Variants in CDK14 observed in about 807,000 individuals in gnomAD.
CDK14 encodes cyclin dependent kinase 14.
Under a neutral mutation model 60.7 loss-of-function variants are expected in CDK14, and 34 were observed. That is an observed-to-expected ratio of 0.56 (90% CI 0.43 to 0.75). The LOEUF is 0.75. CDK14 is among the 30% of genes least tolerant of loss of function. The probability of loss-of-function intolerance (pLI) is 0.00; values close to 1 mark genes in which losing one functional copy is unlikely to be tolerated. For synonymous variants in CDK14, 197 were observed against 203.7 expected (o/e 0.97, Z 0.28); for missense variants, 482 against 564.1 (o/e 0.85, Z 1.47).
At chr7:90,805,509 A>G (rs1403508285) in intron 5 of CDK14, among the ~76,000 whole-genome samples, 1 of 152,134 alleles carries the variant, frequency 6.6e-6, no homozygotes, top group African/African-American at 2.4e-5. Flanking sequence ...TTAGAATACA[A>G]TACCACTTAT....
At chr7:90,723,369 G>A (rs1169028443) in intron 2 of CDK14, among the ~76,000 whole-genome samples, 2 of 152,140 alleles carry the variant, frequency 1.3e-5, no homozygotes, top group Non-Finnish European at 2.9e-5. Flanking sequence ...AGTCAAGCAG[G>A]AAGCTGGAAC....
chr7:90,736,168 C>T (rs998475965), intron 3 of CDK14, among the ~76,000 whole-genome samples: 2 of 151,994 alleles, frequency 1.3e-5, no homozygotes, highest in African/African-American at 4.8e-5. Flanking sequence ...TCCAACCAGT[C>T]CCAGTGAGAT....
intron 14 of CDK14, among the ~76,000 whole-genome samples, chr7:91,171,971 C>G (rs1032805710): frequency 6.6e-6 from 1 of 152,130 alleles, no homozygotes; most frequent in Non-Finnish European, 1.5e-5. Context: ...AAAATGTGTA[C>G]TGTTATTTTC....
Position 90,713,258 on chromosome 7 carries a change from T to C in CDK14, c.124-13309T>C, listed in dbSNP as rs1342676635. 3.3e-5 allele frequency among the ~76,000 whole-genome samples: 5 copies of C among 152,222 alleles called. No homozygotes were observed. In the East Asian group the frequency reaches 9.6e-4, roughly 29 times the overall value. ...TTAAGGCCTCAGTGCTGTTCATTTA[T>C]TTTCTGTCGACCATTTTGACAGTTC... On this transcript the variant is annotated intron_variant, in intron 2 of 14. Transcript: ENST00000380050.
chr7:90,952,084 T>C (rs141193584), intron 8 of CDK14, among the ~76,000 whole-genome samples: 1 of 152,122 alleles, frequency 6.6e-6, no homozygotes, highest in South Asian at 2.1e-4. Flanking sequence ...GGAGACCAAG[T>C]CATTCCTGGT....
At chr7:90,819,581 G>A (rs1789472407) in intron 5 of CDK14, among the ~76,000 whole-genome samples, 1 of 151,552 alleles carries the variant, frequency 6.6e-6, no homozygotes, top group South Asian at 2.1e-4. Flanking sequence ...ATGACCCTAA[G>A]CAATTTGTAG....
At position 91,091,317 on chromosome 7, in the gene CDK14, ATG is replaced by A. The variant is rs1429017944; in HGVS notation, c.1154+11839_1154+11840del. Among the ~76,000 whole-genome samples the A allele has an allele frequency of 3.5e-5, 5 of 144,414 alleles. No individual in the cohort carries two copies. The East Asian group carries it at 5.9e-4, about 17-fold the overall frequency. The allele number at this position is 144,414 out of a possible 152,430, so 94.7% of individuals were successfully genotyped here. A position where few individuals can be genotyped will look rare whatever the true frequency, so the allele number is the denominator to read the frequency against. On this transcript the variant is annotated intron_variant, in intron 12 of 14. Coordinates refer to ENST00000380050, the MANE Select transcript of CDK14 (RefSeq NM_001287135.2). ...ATTTTTATATATACATATATAATTT[ATG>A]TATACACATATGTGTATACATATAT...
intron 12 of CDK14, among the ~76,000 whole-genome samples, chr7:91,094,160 C>G (rs192725913): frequency 8.4e-4 from 128 of 152,068 alleles, no homozygotes; most frequent in Non-Finnish European, 1.4e-3. Context: ...ACGTGTACCC[C>G]CTGCACCTAA....
At chr7:90,666,588 T>G (rs1297131465) in intron 2 of CDK14, among the ~76,000 whole-genome samples, 2 of 152,342 alleles carry the variant, frequency 1.3e-5, no homozygotes, top group East Asian at 3.9e-4. Flanking sequence ...ACACTTTGGT[T>G]TGAAGATATC....
intron 5 of CDK14, among the ~76,000 whole-genome samples, chr7:90,809,584 C>T (rs1162498519): frequency 6.6e-6 from 1 of 152,108 alleles, no homozygotes; most frequent in Middle Eastern, 3.2e-3. Flanking sequence ...AGAGCAAACA[C>T]ATTCAAAAGC....
chr7:90,878,020 C>T (rs2117272362), intron 6 of CDK14, among the ~76,000 whole-genome samples: 1 of 151,448 alleles, frequency 6.6e-6, no homozygotes, highest in Middle Eastern at 3.4e-3. Flanking sequence ...AAATCTTTGC[C>T]AACTTGATAT....
At chr7:90,842,212 C>G (rs1236246227) in intron 5 of CDK14, among the ~76,000 whole-genome samples, 1 of 152,088 alleles carries the variant, frequency 6.6e-6, no homozygotes, top group East Asian at 1.9e-4. Flanking sequence ...TTACAAGATG[C>G]TATTTTGATC....
chr7:90,749,763 A>G (rs1803746799), intron 4 of CDK14, among the ~76,000 whole-genome samples: 1 of 152,140 alleles, frequency 6.6e-6, no homozygotes, highest in African/African-American at 2.4e-5. Context: ...CTTCATGTTT[A>G]GGCACACTCT....
intron 2 of CDK14, among the ~76,000 whole-genome samples, chr7:90,629,077 A>G (rs1799937222): frequency 6.6e-6 from 1 of 152,032 alleles, no homozygotes; most frequent in Admixed American, 6.6e-5. Flanking sequence ...TTTTTGTTTT[A>G]TATATATTTT....
intron 11 of CDK14, among the ~76,000 whole-genome samples, chr7:91,062,422 G>A (rs886567659): frequency 1.3e-4 from 20 of 151,776 alleles, no homozygotes; most frequent in African/African-American, 3.9e-4. Flanking sequence ...CCCACTCTCC[G>A]ACATTCACCA....
In CDK14 at chr7:90,790,660, C is replaced by T; in HGVS notation, c.544+8C>T. On this transcript the variant is annotated splice_region_variant and intron_variant, in intron 5 of 14. Transcript: ENST00000380050. ...TCACAGCTATCAGGGAAGGTAGGCA[C>T]TTTTCCTTGTTGATATTGCTTTTGT... is the stretch of plus-strand genomic sequence containing the variant. 6.2e-7 allele frequency: 1 copy of T among 1,601,602 alleles called. No homozygotes were observed. The highest frequency in any genetic ancestry group is 8.5e-7 in the Non-Finnish European group (1 of 1,169,972).
At chr7:91,189,138 A>G (rs1380238136) in intron 14 of CDK14, among the ~76,000 whole-genome samples, 1 of 152,198 alleles carries the variant, frequency 6.6e-6, no homozygotes, top group African/African-American at 2.4e-5. Context: ...AGTGTGAAGC[A>G]TGGAGCTTAT....
chr7:90,743,510 A>G (rs967015114), intron 3 of CDK14, among the ~76,000 whole-genome samples: 2 of 152,206 alleles, frequency 1.3e-5, no homozygotes, highest in Non-Finnish European at 2.9e-5. Context: ...ACATATATTA[A>G]TTAAGCCGCT....
At position 90,910,330 on chromosome 7, in the gene CDK14, T is replaced by A. The variant is rs1792852937; in HGVS notation, c.703-7271T>A. ...AAACTCAACTAAATGGAATGAATCATGATGAATCATTTTGTGGCTTTTAAA... is the reference window on the plus strand; with the variant it reads ...AAACTCAACTAAATGGAATGAATCAAGATGAATCATTTTGTGGCTTTTAAA... On this transcript the variant is annotated intron_variant, in intron 7 of 14. Coordinates refer to ENST00000380050, the MANE Select transcript of CDK14 (RefSeq NM_001287135.2). Among the ~76,000 whole-genome samples, 3 of 152,318 alleles carry A rather than the reference T, an allele frequency of 2.0e-5. No individual in the cohort carries two copies. In the South Asian group the frequency reaches 6.2e-4, roughly 32 times the overall value.
Sources: gnomAD v4.1 joint callset for allele counts (sites outside exome capture counted in the v4.1 genomes callset) on GRCh38, gnomAD v4.1.1 for gene constraint, MANE v1.5 for transcripts, NCBI Gene and HGNC (gene_info 2026-07-23, HGNC 2026-07-21) for gene names.